Variants in MEIS2 observed in about 807,000 individuals in gnomAD.
MEIS2 encodes Meis homeobox 2.
In MEIS2, 9 loss-of-function variants were observed where a neutral mutation model predicts 58.6. The ratio of observed to expected loss-of-function variants is 0.15; its 90% CI spans 0.09 to 0.27. The LOEUF (loss-of-function observed/expected upper bound fraction) is 0.27. MEIS2 is among the 10% of genes least tolerant of loss of function. The pLI is 1.00. For missense variants in MEIS2, 427 were observed against 635.0 expected (o/e 0.67, Z 3.52); for synonymous variants, 221 against 228.4 (o/e 0.97, Z 0.29).
intron 9 of MEIS2, among the ~76,000 whole-genome samples, chr15:36,940,303 T>A (rs2058329125): frequency 6.6e-6 from 1 of 152,160 alleles, no homozygotes; most frequent in Admixed American, 6.5e-5. Flanking sequence ...TTCTTTCTTC[T>A]TTCCCTACTT....
At chr15:37,015,171 T>A (rs2061304842) in intron 8 of MEIS2, among the ~76,000 whole-genome samples, 1 of 152,210 alleles carries the variant, frequency 6.6e-6, no homozygotes, top group African/African-American at 2.4e-5. Flanking sequence ...ACAGGGCTAC[T>A]GAGAAGAAGT....
At chr15:37,012,391 T>A (rs901373340) in intron 8 of MEIS2, among the ~76,000 whole-genome samples, 1 of 152,198 alleles carries the variant, frequency 6.6e-6, no homozygotes, top group Admixed American at 6.5e-5. Flanking sequence ...ATGCACTATT[T>A]GTTTGCAAAG....
chr15:37,093,929 T>G, intron 5 of MEIS2, 199 bp from the exon 6 acceptor site: 1 of 605,196 alleles, frequency 1.7e-6, no homozygotes, highest in East Asian at 2.8e-5. Flanking sequence ...GCAGCAGATA[T>G]TATTCTCCAG....
intron 8 of MEIS2, among the ~76,000 whole-genome samples, chr15:36,989,197 C>G (rs1440393136): frequency 6.6e-6 from 1 of 152,142 alleles, no homozygotes; most frequent in Non-Finnish European, 1.5e-5. Flanking sequence ...TGAGAGTTAA[C>G]AAGTCAGGAC....
chr15:37,082,922 G>T (rs1338280438), intron 7 of MEIS2, among the ~76,000 whole-genome samples: 1 of 151,958 alleles, frequency 6.6e-6, no homozygotes, highest in Non-Finnish European at 1.5e-5. Context: ...AAATATCGTG[G>T]CCATAAACAC....
chr15:36,915,262 A>C (rs1377842100), intron 9 of MEIS2, among the ~76,000 whole-genome samples: 6 of 151,010 alleles, frequency 4.0e-5, no homozygotes, highest in Non-Finnish European at 7.4e-5. Flanking sequence ...TTTTCTCCTG[A>C]ATGTTCCCTC....
At chr15:36,939,252 A>G (rs764748732) in intron 9 of MEIS2, among the ~76,000 whole-genome samples, 2 of 152,112 alleles carry the variant, frequency 1.3e-5, no homozygotes, top group African/African-American at 2.4e-5. Context: ...ATTCAACCCA[A>G]CGAAAAGTTA....
chr15:36,926,716 T>C (rs781417643), intron 9 of MEIS2, among the ~76,000 whole-genome samples: 13 of 152,194 alleles, frequency 8.5e-5, no homozygotes, highest in Non-Finnish European at 1.8e-4. Context: ...TCAATATTGC[T>C]TTCCTACTTT....
At chr15:36,926,270 G>C (rs774118156) in intron 9 of MEIS2, among the ~76,000 whole-genome samples, 4 of 151,680 alleles carry the variant, frequency 2.6e-5, no homozygotes, top group Non-Finnish European at 4.4e-5. Context: ...ATGTAAGTCA[G>C]AGCCAGGGTC....
At chr15:37,002,184 C>G (rs1870335359) in intron 8 of MEIS2, among the ~76,000 whole-genome samples, 1 of 152,158 alleles carries the variant, frequency 6.6e-6, no homozygotes, top group African/African-American at 2.4e-5. Flanking sequence ...CTTATCTCAG[C>G]CTTGATGGAA....
At chr15:36,963,916 A>C (rs564844729) in intron 8 of MEIS2, among the ~76,000 whole-genome samples, 146 of 152,074 alleles carry the variant, frequency 9.6e-4, no homozygotes, top group African/African-American at 3.4e-3. Flanking sequence ...AGAACCTAGA[A>C]CTACACTCTC....
intron 7 of MEIS2, 84 bp downstream of exon 7, chr15:37,083,687 G>A: frequency 1.9e-6 from 2 of 1,065,070 alleles, no homozygotes; most frequent in Non-Finnish European, 1.4e-6. Flanking sequence ...CTGTTTACAT[G>A]GCGGCAGATG....
chr15:36,971,222 G>T (rs992746123), intron 8 of MEIS2, among the ~76,000 whole-genome samples: 10 of 152,016 alleles, frequency 6.6e-5, no homozygotes, highest in Non-Finnish European at 1.3e-4. Context: ...ATATTGAAAT[G>T]TTTTGGCGCC....
At chr15:36,941,609 AG>A (rs941236371) in intron 9 of MEIS2, among the ~76,000 whole-genome samples, 7 of 152,212 alleles carry the variant, frequency 4.6e-5, no homozygotes, top group African/African-American at 1.7e-4. Context: ...TCCAAAATCT[AG>A]GTTCAAAATA....
intron 8 of MEIS2, among the ~76,000 whole-genome samples, chr15:37,024,260 A>G (rs896136071): frequency 6.6e-5 from 10 of 151,968 alleles, no homozygotes; most frequent in Non-Finnish European, 1.0e-4. Flanking sequence ...TCTTCACATG[A>G]TCTGATTATG....
chr15:36,961,282 A>G (rs542164634), intron 8 of MEIS2, among the ~76,000 whole-genome samples: 2 of 152,166 alleles, frequency 1.3e-5, no homozygotes, highest in African/African-American at 4.8e-5. Context: ...ATACCTGTGA[A>G]CATGTATTTT....
chr15:37,094,422 T>G (rs1893940136), intron 5 of MEIS2, 105 bp downstream of exon 5: 1 of 1,082,522 alleles, frequency 9.2e-7, no homozygotes, highest in Admixed American at 2.2e-5. Context: ...GCTCAAAATC[T>G]CCAGGTGCTC....
At chr15:36,977,711 C>G (rs567382739) in intron 8 of MEIS2, among the ~76,000 whole-genome samples, 19 of 152,242 alleles carry the variant, frequency 1.2e-4, no homozygotes, top group African/African-American at 4.3e-4. Context: ...AAAGCAGGAG[C>G]CTTTTATTTA....
chr15:37,028,927 A>G (rs943901529), intron 8 of MEIS2, among the ~76,000 whole-genome samples: 10 of 151,980 alleles, frequency 6.6e-5, no homozygotes, highest in African/African-American at 2.4e-4. Flanking sequence ...ATCATTATGA[A>G]ATAGGAAGAA....
Sources: allele counts gnomAD v4.1 joint callset (sites outside exome capture counted in the v4.1 genomes callset), GRCh38; gene constraint gnomAD v4.1.1; transcripts MANE v1.5; gene names NCBI Gene and HGNC (gene_info 2026-07-23, HGNC 2026-07-21).